The following PDE4B variants were observed in gnomAD, a reference collection of about 807,000 sequenced individuals.
PDE4B encodes the protein 3',5'-cyclic-AMP phosphodiesterase 4B.
Under a neutral mutation model 82.2 loss-of-function variants are expected in PDE4B, and 20 were observed. The ratio of observed to expected loss-of-function variants is 0.24; its 90% CI spans 0.17 to 0.35. The LOEUF is 0.35. Among genes scored for constraint, PDE4B ranks in the 10% least tolerant of loss-of-function variants. The pLI, the probability that PDE4B is intolerant of heterozygous loss-of-function variation, is 1.00. For synonymous variants in PDE4B, 320 were observed against 318.9 expected (o/e 1.00, Z -0.04); for missense variants, 655 against 907.2 (o/e 0.72, Z 3.57).
chr1:66,064,525 C>G (rs1655742232), intron 3 of PDE4B, among the ~76,000 whole-genome samples: 1 of 151,982 alleles, frequency 6.6e-6, no homozygotes, highest in South Asian at 2.1e-4. Context: ...CTCTCTTTTG[C>G]CCTCCAATTT....
chr1:66,189,793 C>T (rs1283894919), intron 3 of PDE4B, among the ~76,000 whole-genome samples: 4 of 152,102 alleles, frequency 2.6e-5, no homozygotes, highest in African/African-American at 7.2e-5. Context: ...CCTCCTTTAG[C>T]TTGGAGTAGT....
chr1:65,826,657 C>T (rs923774441), intron 1 of PDE4B, among the ~76,000 whole-genome samples: 5 of 152,006 alleles, frequency 3.3e-5, no homozygotes, highest in Admixed American at 3.3e-4. Context: ...AAAATTGTAG[C>T]CTGAGAGAAC....
At chr1:66,255,410 T>A (rs966847776) in intron 4 of PDE4B, among the ~76,000 whole-genome samples, 1 of 152,140 alleles carries the variant, frequency 6.6e-6, no homozygotes, top group Non-Finnish European at 1.5e-5. Context: ...TTCTATGGAG[T>A]TAAGTACTGA....
intron 3 of PDE4B, among the ~76,000 whole-genome samples, chr1:66,002,638 G>T (rs1651927275): frequency 6.6e-6 from 1 of 151,866 alleles, no homozygotes; most frequent in African/African-American, 2.4e-5. Flanking sequence ...AGAACTTGGG[G>T]TTCTATCACT....
chr1:65,924,303 T>G (rs951183745), intron 3 of PDE4B, among the ~76,000 whole-genome samples: 7 of 150,478 alleles, frequency 4.7e-5, no homozygotes, highest in Admixed American at 1.3e-4. Flanking sequence ...CTCGATCTCC[T>G]GACCTCGTGA....
intron 3 of PDE4B, among the ~76,000 whole-genome samples, chr1:66,202,860 A>T (rs908956137): frequency 2.0e-5 from 3 of 151,750 alleles, no homozygotes; most frequent in African/African-American, 7.3e-5. Context: ...TAAAGTTAAT[A>T]TTGTTATGTG....
chr1:66,015,700 G>C (rs1652734909), intron 3 of PDE4B, among the ~76,000 whole-genome samples: 1 of 152,116 alleles, frequency 6.6e-6, no homozygotes. Context: ...AGTTACTGAG[G>C]ATAACAGAAG....
intron 1 of PDE4B, among the ~76,000 whole-genome samples, chr1:65,817,766 A>G (rs1210293035): frequency 1.3e-5 from 2 of 152,204 alleles, no homozygotes; most frequent in Non-Finnish European, 2.9e-5. Flanking sequence ...GTATTTTCAA[A>G]AACAATTATG....
intron 1 of PDE4B, among the ~76,000 whole-genome samples, chr1:65,889,392 T>C (rs1390585641): frequency 1.3e-5 from 2 of 152,216 alleles, no homozygotes; most frequent in East Asian, 3.9e-4. Flanking sequence ...GCCTGTAGTG[T>C]TGTTGTTGTT....
intron 3 of PDE4B, among the ~76,000 whole-genome samples, chr1:66,096,518 A>ATATATATATG (rs1557557857): frequency 0.012 from 1,701 of 137,552 alleles, 54 homozygotes; most frequent in African/African-American, 0.026. Context: ...TTATATATAT[A>ATATATATATG]TATATATATA....
At chr1:66,371,286 C>T (rs1440881095) in intron 16 of PDE4B, among the ~76,000 whole-genome samples, 1 of 150,524 alleles carries the variant, frequency 6.6e-6, no homozygotes, top group African/African-American at 2.5e-5. Context: ...TGGGTGGGTG[C>T]CCTTTGACCA....
At chr1:65,926,983 A>G (rs1452564118) in intron 3 of PDE4B, among the ~76,000 whole-genome samples, 1 of 152,140 alleles carries the variant, frequency 6.6e-6, no homozygotes, top group Admixed American at 6.5e-5. Context: ...TGAAATAAAA[A>G]CTTTCACCAG....
chr1:65,884,607 G>A (rs1356102389), intron 1 of PDE4B, among the ~76,000 whole-genome samples: 1 of 152,062 alleles, frequency 6.6e-6, no homozygotes, highest in Admixed American at 6.6e-5. Flanking sequence ...CAAGGAATGG[G>A]GAAAGGATTC....
intron 8 of PDE4B, among the ~76,000 whole-genome samples, chr1:66,341,714 G>A (rs1660996174): frequency 6.6e-6 from 1 of 152,138 alleles, no homozygotes; most frequent in Non-Finnish European, 1.5e-5. Context: ...AACTGAAGAT[G>A]ATAAATTGGA....
intron 1 of PDE4B, among the ~76,000 whole-genome samples, chr1:65,901,530 G>A (rs1646972030): frequency 6.6e-6 from 1 of 151,856 alleles, no homozygotes; most frequent in Non-Finnish European, 1.5e-5. Flanking sequence ...TCTGGCCCAG[G>A]GCTTTTTTTG....
In PDE4B at chr1:66,097,584, A is replaced by AG. The variant is rs560410593; in HGVS notation, c.282-149876_282-149875insG. 2.0e-5 allele frequency among the ~76,000 whole-genome samples: 3 copies of AG among 151,938 alleles called. No individual in the cohort carries two copies. In the East Asian group the frequency reaches 5.8e-4, roughly 29 times the overall value. ...TATCATGGCAATACAATGCATTGTAATTTTTCATTGCAGATTTTCTTCTCT... is the reference window on the plus strand; with the variant it reads ...TATCATGGCAATACAATGCATTGTAAGTTTTTCATTGCAGATTTTCTTCTCT... On this transcript the variant is annotated intron_variant, in intron 3 of 16. Transcript: ENST00000341517.
chr1:66,017,839 T>A (rs4546893), intron 3 of PDE4B, among the ~76,000 whole-genome samples: 93,006 of 146,386 alleles, frequency 0.64, 28,710 homozygotes, highest in East Asian at 0.85. Context: ...TTTTAAAAAA[T>A]ATATATATAT....
At chr1:66,037,708 A>T (rs1654142531) in intron 3 of PDE4B, among the ~76,000 whole-genome samples, 1 of 152,164 alleles carries the variant, frequency 6.6e-6, no homozygotes, top group Non-Finnish European at 1.5e-5. Context: ...TCTTAAAGGA[A>T]AAGTCTTCAG....
chr1:65,967,823 AAC>A (rs1649920124), intron 3 of PDE4B, among the ~76,000 whole-genome samples: 1 of 152,114 alleles, frequency 6.6e-6, no homozygotes, highest in Non-Finnish European at 1.5e-5. Flanking sequence ...GAACGATGAA[AAC>A]ACATGGACAC....
Sources: gnomAD v4.1 joint callset for allele counts (sites outside exome capture counted in the v4.1 genomes callset) on GRCh38, gnomAD v4.1.1 for gene constraint, MANE v1.5 for transcripts, NCBI Gene and HGNC (gene_info 2026-07-23, HGNC 2026-07-21) for gene names.